RGL1: variants seen among roughly 807,000 people sequenced by gnomAD.
The protein encoded by RGL1 is ral guanine nucleotide dissociation stimulator-like 1.
RGL1 carries 24 observed loss-of-function variants against 95.2 expected under a neutral mutation model. That is an observed-to-expected ratio of 0.25 (90% CI 0.18 to 0.35). The LOEUF (loss-of-function observed/expected upper bound fraction) is 0.35, where lower values mean the gene tolerates loss of function less well. Ranked by LOEUF, RGL1 falls within the 10% of genes least tolerant of loss-of-function variation. RGL1 has a pLI of 1.00. For missense variants in RGL1, 715 were observed against 936.3 expected, an observed-to-expected ratio of 0.76 and a Z score of 3.08; for synonymous variants, 329 against 344.9, an observed-to-expected ratio of 0.95 and a Z score of 0.51.
At chr1:183,812,653 G>T (rs1045711073) in intron 2 of RGL1, among the ~76,000 whole-genome samples, 57 of 152,226 alleles carry the variant, frequency 3.7e-4, no homozygotes, top group African/African-American at 1.4e-3. Context: ...AGAATCAGGG[G>T]CATTTAAATC....
In RGL1 at chr1:183,641,157, C is replaced by G. The variant is rs531277028; in HGVS notation, c.-33+4656C>G. On this transcript the variant is annotated intron_variant, in intron 1 of 18. Transcript: ENST00000304685. Reference sequence around the variant, plus strand: ...CAGAATTTTTTTTAAATAATTGCCACAAGATCTCACTCTGTTGCCTAGGCT... The same window carrying G: ...CAGAATTTTTTTTAAATAATTGCCAGAAGATCTCACTCTGTTGCCTAGGCT... Among the ~76,000 whole-genome samples, 1,310 of 152,172 alleles carry G rather than the reference C, an allele frequency of 8.6e-3. 22 individuals carry two copies. Among genetic ancestry groups the G allele is most frequent in the African/African-American group, 0.029 (1,219 of 41,500 alleles).
chr1:183,849,284 A>G (rs183195069), intron 3 of RGL1, among the ~76,000 whole-genome samples: 3 of 151,660 alleles, frequency 2.0e-5, no homozygotes, highest in African/African-American at 7.3e-5. Flanking sequence ...CATATCTTGG[A>G]AATTTTTTAC....
chr1:183,784,016 A>G (rs1159193910), intron 2 of RGL1, among the ~76,000 whole-genome samples: 4 of 152,242 alleles, frequency 2.6e-5, no homozygotes, highest in East Asian at 3.9e-4. Flanking sequence ...AGAAGTTTCA[A>G]TGGTGTGGTG....
chr1:183,879,590 C>T (rs572739150), intron 4 of RGL1, among the ~76,000 whole-genome samples: 1 of 152,064 alleles, frequency 6.6e-6, no homozygotes, highest in South Asian at 2.1e-4. Flanking sequence ...ATGTATAGTC[C>T]CTGTCATCTT....
chr1:183,652,583 A>G (rs897928188), intron 1 of RGL1, among the ~76,000 whole-genome samples: 7 of 150,432 alleles, frequency 4.7e-5, no homozygotes, highest in African/African-American at 1.5e-4. Context: ...AACTTTTGGT[A>G]TCTGTCATTT....
At chr1:183,650,716 T>A (rs1650682432) in intron 1 of RGL1, among the ~76,000 whole-genome samples, 1 of 150,912 alleles carries the variant, frequency 6.6e-6, no homozygotes, top group Non-Finnish European at 1.5e-5. Context: ...AGATTTTTTT[T>A]TTTTTTTAGA....
At chr1:183,827,654 C>T (rs181219944) in intron 2 of RGL1, among the ~76,000 whole-genome samples, 1 of 152,362 alleles carries the variant, frequency 6.6e-6, no homozygotes. Context: ...AGCCTGACCT[C>T]CTACACATTT....
At chr1:183,719,257 T>C (rs188085174) in intron 1 of RGL1, among the ~76,000 whole-genome samples, 2 of 152,386 alleles carry the variant, frequency 1.3e-5, no homozygotes, top group East Asian at 3.9e-4. Context: ...CATTCATTGA[T>C]AGTCCAAGTT....
intron 2 of RGL1, among the ~76,000 whole-genome samples, chr1:183,817,576 C>G (rs1662171761): frequency 6.6e-6 from 1 of 152,190 alleles, no homozygotes; most frequent in Non-Finnish European, 1.5e-5. Context: ...TTTTCCTTCT[C>G]TCTCAAGATA....
At chr1:183,740,485 G>A (rs1399185178) in intron 1 of RGL1, among the ~76,000 whole-genome samples, 6 of 152,144 alleles carry the variant, frequency 3.9e-5, no homozygotes, top group African/African-American at 1.2e-4. Flanking sequence ...CCGCTGACCC[G>A]TCACGCCTGC....
At chr1:183,817,756 C>T (rs1454811516) in intron 2 of RGL1, among the ~76,000 whole-genome samples, 1 of 152,176 alleles carries the variant, frequency 6.6e-6, no homozygotes, top group Non-Finnish European at 1.5e-5. Flanking sequence ...AATCTACTGA[C>T]TGTGTGTGGT....
chr1:183,795,830 T>C (rs114364588), intron 2 of RGL1, among the ~76,000 whole-genome samples: 2,638 of 152,302 alleles, frequency 0.017, 68 homozygotes, highest in African/African-American at 0.059. Flanking sequence ...ATGTTGCTCA[T>C]TGACTGAACA....
chr1:183,805,997 T>TTTTTTTTTTTTTTTC (rs1661303439), intron 1 of RGL1, among the ~76,000 whole-genome samples: 2 of 80,560 alleles, frequency 2.5e-5, no homozygotes, highest in African/African-American at 5.5e-5. Context: ...TTTTTTTTTT[T>TTTTTTTTTTTTTTTC]TTTTTTTTTT....
At chr1:183,772,031 G>A (rs145654353) in intron 2 of RGL1, among the ~76,000 whole-genome samples, 205 of 152,366 alleles carry the variant, frequency 1.3e-3, no homozygotes, top group Non-Finnish European at 2.1e-3. Context: ...GGCAGTCGGA[G>A]GAGAGCGCCC....
At chr1:183,780,255 T>C (rs1414548786) in intron 2 of RGL1, among the ~76,000 whole-genome samples, 2 of 152,232 alleles carry the variant, frequency 1.3e-5, no homozygotes, top group Non-Finnish European at 2.9e-5. Flanking sequence ...TATTTTACTT[T>C]GGAGCAGTCC....
intron 4 of RGL1, among the ~76,000 whole-genome samples, chr1:183,879,219 A>G (rs893683504): frequency 2.0e-5 from 3 of 152,364 alleles, no homozygotes; most frequent in Admixed American, 6.5e-5. Flanking sequence ...GATCTACACC[A>G]TAATGAAAAC....
At chr1:183,864,854 CGT>C (rs1028999640) in intron 3 of RGL1, among the ~76,000 whole-genome samples, 1 of 152,140 alleles carries the variant, frequency 6.6e-6, no homozygotes, top group African/African-American at 2.4e-5. Flanking sequence ...GATGGACTGG[CGT>C]TGGGTCAAAC....
In RGL1 at chr1:183,916,101, C is replaced by G. The variant is rs187838443; in HGVS notation, c.1750-346C>G. On this transcript the variant is annotated intron_variant, in intron 15 of 17. Coordinates refer to ENST00000360851, the MANE Select transcript of RGL1 (RefSeq NM_001297671.3). ...CGTTGGCAAGGCTTTCCTCCAGCCC[C>G]GTAAGCTTCTGACTTCTTTGGGAAC... Among the ~76,000 whole-genome samples the G allele has an allele frequency of 1.0e-3, 153 of 152,338 alleles. 2 individuals carry two copies. Among genetic ancestry groups the G allele is most frequent in the South Asian group, 1.7e-3 (8 of 4,824 alleles).
intron 4 of RGL1, among the ~76,000 whole-genome samples, chr1:183,872,283 C>A (rs1347217020): frequency 6.6e-6 from 1 of 152,148 alleles, no homozygotes; most frequent in Non-Finnish European, 1.5e-5. Flanking sequence ...AATCTTCATT[C>A]TCTGAATTTT....
Sources: gnomAD v4.1 joint callset for allele counts (sites outside exome capture counted in the v4.1 genomes callset) on GRCh38, gnomAD v4.1.1 for gene constraint, MANE v1.5 for transcripts, NCBI Gene and HGNC (gene_info 2026-07-23, HGNC 2026-07-21) for gene names.